The following CREM variants were observed in gnomAD, a reference collection of about 807,000 sequenced individuals.
CREM encodes cAMP-responsive element modulator.
A neutral mutation model predicts 37.3 loss-of-function variants in CREM; 13 were observed. The observed-to-expected ratio is 0.35, with a 90% confidence interval of 0.23 to 0.55. CREM has a LOEUF of 0.55. CREM is among the 20% of genes least tolerant of loss of function. CREM has a pLI of 0.88. For synonymous variants in CREM, 124 were observed against 120.2 expected (o/e 1.03, Z -0.21); for missense variants, 296 against 362.3 (o/e 0.82, Z 1.49).
At chr10:35,166,931 C>T (rs1176130418) in intron 3 of CREM, among the ~76,000 whole-genome samples, 1 of 152,140 alleles carries the variant, frequency 6.6e-6, no homozygotes, top group Admixed American at 6.5e-5. Context: ...CACCTGAGGT[C>T]AGGAGTTCAA....
At chr10:35,160,170 A>G (rs1261432589) in intron 3 of CREM, among the ~76,000 whole-genome samples, 1 of 152,202 alleles carries the variant, frequency 6.6e-6, no homozygotes, top group Non-Finnish European at 1.5e-5. Flanking sequence ...GCAAACCTGT[A>G]TAGGATGCGA....
At chr10:35,204,223 G>A (rs1015643647) in intron 6 of CREM, among the ~76,000 whole-genome samples, 3 of 152,138 alleles carry the variant, frequency 2.0e-5, no homozygotes, top group African/African-American at 4.8e-5. Flanking sequence ...ACGACTCATT[G>A]AGTTGTCTGT....
At chr10:35,155,373 G>A (rs2092830395) in intron 3 of CREM, among the ~76,000 whole-genome samples, 1 of 152,058 alleles carries the variant, frequency 6.6e-6, no homozygotes, top group Admixed American at 6.6e-5. Context: ...GAAAAATGGG[G>A]AGTCATTTTT....
intron 6 of CREM, among the ~76,000 whole-genome samples, chr10:35,201,163 T>C (rs2095371315): frequency 6.6e-6 from 1 of 152,246 alleles, no homozygotes; most frequent in South Asian, 2.1e-4. Flanking sequence ...TTAATAGGCA[T>C]ATTTTTTAAC....
intron 6 of CREM, among the ~76,000 whole-genome samples, chr10:35,190,669 A>T (rs2094871606): frequency 6.7e-6 from 1 of 150,032 alleles, no homozygotes. Context: ...GACTGCATTA[A>T]TTTTTTTTTT....
chr10:35,143,011 C>A (rs2091632265), intron 2 of CREM, among the ~76,000 whole-genome samples: 1 of 152,190 alleles, frequency 6.6e-6, no homozygotes, highest in South Asian at 2.1e-4. Flanking sequence ...TTGGTACTTA[C>A]TAAGAATATA....
At chr10:35,166,475 C>T (rs532673575) in intron 3 of CREM, among the ~76,000 whole-genome samples, 4 of 151,332 alleles carry the variant, frequency 2.6e-5, no homozygotes, top group South Asian at 2.1e-4. Context: ...GCAGGAGAAT[C>T]GATTCAACCC....
chr10:35,132,898 T>C (rs2089707549), intron 1 of CREM, among the ~76,000 whole-genome samples: 1 of 152,222 alleles, frequency 6.6e-6, no homozygotes, highest in Non-Finnish European at 1.5e-5. Context: ...TCCTTTATCT[T>C]TCAAACTTTA....
chr10:35,164,133 T>C (rs1476403350), intron 3 of CREM, among the ~76,000 whole-genome samples: 1 of 152,228 alleles, frequency 6.6e-6, no homozygotes, highest in Non-Finnish European at 1.5e-5. Flanking sequence ...TTTTAAGTAT[T>C]AAGACTAATC....
intron 3 of CREM, chr10:35,153,963 G>T: frequency 2.5e-6 from 1 of 395,744 alleles, no homozygotes; most frequent in South Asian, 1.4e-4. Flanking sequence ...TAATCAAGCT[G>T]AACTCTGTTA....
At chr10:35,171,531 T>C (rs1405410258) in intron 3 of CREM, among the ~76,000 whole-genome samples, 1 of 152,206 alleles carries the variant, frequency 6.6e-6, no homozygotes, top group Non-Finnish European at 1.5e-5. Flanking sequence ...ATTAAAGCAA[T>C]GTAAAGGATG....
At chr10:35,205,683 G>A (rs1340714947) in intron 6 of CREM, among the ~76,000 whole-genome samples, 1 of 152,224 alleles carries the variant, frequency 6.6e-6, no homozygotes, top group Non-Finnish European at 1.5e-5. Context: ...TTCAGGCCGG[G>A]CGTGGTGGCT....
At chr10:35,151,167 CT>C (rs1006629946) in intron 3 of CREM, among the ~76,000 whole-genome samples, 9 of 152,096 alleles carry the variant, frequency 5.9e-5, no homozygotes, top group Non-Finnish European at 1.2e-4. Flanking sequence ...ATTATAGAGA[CT>C]TGTGAGAAGG....
chr10:35,191,259 A>G lies in CREM; in HGVS notation c.598+2871A>G, dbSNP rs75164617. Among the ~76,000 whole-genome samples the G allele has an allele frequency of 1.7e-4, 26 of 152,146 alleles. No homozygotes were observed. In the East Asian group the frequency reaches 4.8e-3, roughly 28 times the overall value. On this transcript the variant is annotated intron_variant, in intron 6 of 7. Transcript: ENST00000685392. ...TGTATTTTCTAATTGTTGCTGGTGT[A>G]GAGAAATACGGATTATTTTAAGTCG... is the stretch of plus-strand genomic sequence containing the variant.
rs531571362 is a variant in CREM, at chr10:35,134,287, G to C, written c.-54-3495G>C. 3.9e-5 allele frequency among the ~76,000 whole-genome samples: 6 copies of C among 152,260 alleles called. No homozygotes were observed. In the South Asian group the frequency reaches 1.2e-3, roughly 32 times the overall value. ...GCTGGAGTGCAGGGGCGCGATCTTG[G>C]CTCACTGCAACCTCTGCCTCTTGGG... On this transcript the variant is annotated intron_variant, in intron 1 of 7. Transcript: ENST00000685392.
At chr10:35,179,809 A>C (rs1275442884) in intron 5 of CREM, 1 of 152,472 alleles carries the variant, frequency 6.6e-6, no homozygotes, top group Non-Finnish European at 1.5e-5. Flanking sequence ...GAAATTTTAC[A>C]CACTGAAAGC....
At chr10:35,158,518 GA>G in intron 3 of CREM, 1 of 199,444 alleles carries the variant, frequency 5.0e-6, no homozygotes. Flanking sequence ...AGGCCCAGGA[GA>G]AAAGATGATC....
chr10:35,145,512 G>A (rs1263942912), intron 2 of CREM, among the ~76,000 whole-genome samples: 1 of 152,146 alleles, frequency 6.6e-6, no homozygotes, highest in Non-Finnish European at 1.5e-5. Context: ...AGTTGCAATG[G>A]CTCACGCCTA....
rs1230719978 is a variant in CREM at position 35,211,429 on chromosome 10, A to G, written c.*31A>G. ...TTTGACTTGGACCTTGTTTACTCTA[A>G]TCAAGGCAGGAGATGCAGCAGTCCT... On this transcript the variant is annotated 3_prime_UTR_variant, in exon 8 of 8. Coordinates refer to ENST00000685392, the MANE Select transcript of CREM (RefSeq NM_183011.2). The G allele has an allele frequency of 6.2e-7, 1 of 1,604,652 alleles. No individual in the cohort carries two copies. The highest frequency in any genetic ancestry group is 1.7e-5 in the Admixed American group (1 of 58,842).
Sources: allele counts gnomAD v4.1 joint callset (sites outside exome capture counted in the v4.1 genomes callset), GRCh38; gene constraint gnomAD v4.1.1; transcripts MANE v1.5; gene names NCBI Gene and HGNC (gene_info 2026-07-23, HGNC 2026-07-21).